The following DGAT2 variants were observed in gnomAD, a reference collection of about 807,000 sequenced individuals.
DGAT2 encodes diacylglycerol O-acyltransferase 2.
A neutral mutation model predicts 48.4 loss-of-function variants in DGAT2; 33 were observed. That is an observed-to-expected ratio of 0.68 (90% CI 0.52 to 0.91). The LOEUF is 0.91. DGAT2 is among the 40% of genes least tolerant of loss of function. The pLI is 0.00. For synonymous variants in DGAT2, 191 were observed against 194.1 expected, an observed-to-expected ratio of 0.98 and a Z score of 0.13; for missense variants, 446 against 493.7, an observed-to-expected ratio of 0.90 and a Z score of 0.92.
intron 1 of DGAT2, among the ~76,000 whole-genome samples, chr11:75,774,698 A>G (rs1283545778): frequency 1.3e-5 from 2 of 152,094 alleles, no homozygotes; most frequent in East Asian, 3.9e-4. Context: ...CCTTGTGAAA[A>G]TGGTGCACTC....
intron 2 of DGAT2, among the ~76,000 whole-genome samples, chr11:75,787,452 C>G (rs1318165300): frequency 1.3e-5 from 2 of 152,214 alleles, no homozygotes; most frequent in Non-Finnish European, 2.9e-5. Context: ...TGCCCTGCAC[C>G]ACAGGCCTCG....
rs148805948 is a variant in DGAT2 at position 75,800,917 on chromosome 11, T to C, written c.*409T>C. The C allele has an allele frequency of 4.2e-3, 836 of 200,050 alleles. 21 individuals carry two copies. Among genetic ancestry groups the C allele is most frequent in the Admixed American group, 0.04 (707 of 17,768 alleles). 12.4% of individuals were successfully genotyped at this position (200,050 alleles called of 1,614,324 possible). On this transcript the variant is annotated 3_prime_UTR_variant, in exon 8 of 8. Coordinates refer to ENST00000228027, the MANE Select transcript of DGAT2 (RefSeq NM_032564.5). ...CCCCTTTATTGCCACTACCCCACGC[T>C]CGTCTAGTCCTGAAACTGCAGGACC...
Position 75,796,481 on chromosome 11 carries a change from C to T in DGAT2, c.583C>T (p.Leu195=). The T allele has an allele frequency of 1.9e-6, 3 of 1,613,782 alleles. No individual in the cohort carries two copies. Among genetic ancestry groups the T allele is most frequent in the Non-Finnish European group, 2.5e-6 (3 of 1,180,030 alleles). Residue 195 remains leucine (L), a synonymous_variant, in exon 5 of 8, where the codon CTG becomes TTG. Transcript: ENST00000228027. ...AGGCATACGGCCTTACCTGGCTACA[C>T]TGGCAGGCAACTTCCGAATGCCTGT... ...FPGIRPYLAT[L]AGNFRMPVLR... is the part of the protein sequence containing the mutation.
At chr11:75,770,127 A>G (rs1380244640) in intron 1 of DGAT2, among the ~76,000 whole-genome samples, 2 of 152,222 alleles carry the variant, frequency 1.3e-5, no homozygotes, top group Admixed American at 6.5e-5. Context: ...CTTTATACAC[A>G]TTGCATAGAT....
intron 2 of DGAT2, among the ~76,000 whole-genome samples, chr11:75,787,998 G>T (rs1486241225): frequency 1.3e-5 from 2 of 152,180 alleles, no homozygotes; most frequent in Non-Finnish European, 2.9e-5. Flanking sequence ...AGGACAAGTG[G>T]GTAGGGTTAC....
rs1360316258 is a variant in DGAT2 at position 75,791,183 on chromosome 11, A to T, written c.429+452A>T. Among the ~76,000 whole-genome samples the T allele has an allele frequency of 3.1e-4, 47 of 152,196 alleles. 1 individual carries two copies. Among genetic ancestry groups the T allele is most frequent in the Admixed American group, 3.1e-3 (47 of 15,284 alleles). On this transcript the variant is annotated intron_variant, in intron 4 of 7. Transcript: ENST00000228027. ...CCTGCAGAAGGTAGGGGTGCTGAAG[A>T]GTGGAGGCAGCACGTGAATGTGAAA...
chr11:75,777,259 A>G (rs1944812003), intron 1 of DGAT2, among the ~76,000 whole-genome samples: 1 of 152,000 alleles, frequency 6.6e-6, no homozygotes, highest in African/African-American at 2.4e-5. Context: ...AGTTATTTAG[A>G]TTCCTTATGA....
intron 1 of DGAT2, among the ~76,000 whole-genome samples, chr11:75,783,342 A>G (rs1944887933): frequency 6.6e-6 from 1 of 152,184 alleles, no homozygotes; most frequent in Admixed American, 6.5e-5. Flanking sequence ...CCTTCCTCCT[A>G]AAAGTCAAAG....
chr11:75,800,799 G>C lies in DGAT2; in HGVS notation c.*291G>C, dbSNP rs565074034. ...GTGACAAAGGAAACTCAGTCTTCTTGGGGAAGAAGGATTGCCATTAGTGAC... is the reference window on the plus strand; with the variant it reads ...GTGACAAAGGAAACTCAGTCTTCTTCGGGAAGAAGGATTGCCATTAGTGAC... On this transcript the variant is annotated 3_prime_UTR_variant, in exon 8 of 8. Transcript: ENST00000228027. The C allele has an allele frequency of 1.9e-4, 66 of 347,326 alleles. No homozygotes were observed. The South Asian group carries it at 2.0e-3, about 11-fold the overall frequency. The allele number at this position is 347,326 out of a possible 1,614,324, so 21.5% of individuals were successfully genotyped here.
chr11:75,789,953 C>T (rs1348929810), intron 2 of DGAT2, among the ~76,000 whole-genome samples: 1 of 152,184 alleles, frequency 6.6e-6, no homozygotes, highest in Non-Finnish European at 1.5e-5. Context: ...CCCATGGGCC[C>T]CTCGATGCCA....
In DGAT2 at chr11:75,796,313, A is replaced by G. The variant is rs375123011; in HGVS notation, c.430-15A>G. ...CTCCCAGCCAGTTTCCTCTGACCCA[A>G]GGTCATCCTTGCAGCTGGTGAAGAC... is the stretch of plus-strand genomic sequence containing the variant. On this transcript the variant is annotated splice_polypyrimidine_tract_variant and intron_variant, in intron 4 of 7. Coordinates refer to ENST00000228027, the MANE Select transcript of DGAT2 (RefSeq NM_032564.5). The G allele has an allele frequency of 1.2e-5, 19 of 1,611,408 alleles. No homozygotes were observed. In the Admixed American group the frequency reaches 1.3e-4, roughly 11 times the overall value.
intron 1 of DGAT2, among the ~76,000 whole-genome samples, chr11:75,782,075 G>A (rs1300596679): frequency 2.0e-5 from 3 of 152,052 alleles, no homozygotes; most frequent in East Asian, 1.9e-4. Flanking sequence ...TCTTCCCTAC[G>A]CACCCCTCAA....
At chr11:75,790,938 G>A (rs1367009392) in intron 4 of DGAT2, among the ~76,000 whole-genome samples, 1 of 152,222 alleles carries the variant, frequency 6.6e-6, no homozygotes, top group African/African-American at 2.4e-5. Context: ...ACAGGGAAAT[G>A]GTGGCTCAGT....
chr11:75,780,411 A>G (rs1414458724), intron 1 of DGAT2, among the ~76,000 whole-genome samples: 1 of 152,202 alleles, frequency 6.6e-6, no homozygotes, highest in Non-Finnish European at 1.5e-5. Flanking sequence ...ATACCCTGAC[A>G]GGAGTCCTCA....
At chr11:75,796,621 A>G in intron 5 of DGAT2, 89 bp downstream of exon 5, 3 of 1,381,034 alleles carry the variant, frequency 2.2e-6, no homozygotes, top group Non-Finnish European at 3.0e-6. Context: ...GAGCCAACAC[A>G]CCATTCCTTG....
chr11:75,781,946 T>C (rs1482556914), intron 1 of DGAT2, among the ~76,000 whole-genome samples: 1 of 152,158 alleles, frequency 6.6e-6, no homozygotes, highest in Non-Finnish European at 1.5e-5. Context: ...TTAGGTCTTC[T>C]CAGTTGTTTC....
rs1010432826 is a variant in DGAT2 at position 75,798,483 on chromosome 11, G to C, written c.1012+54G>C. ...TGTCCTGAACACAGGGTGCCATACA[G>C]CTAATCAGCAGTAGAGACGGGATTC... is the stretch of plus-strand genomic sequence containing the variant. On this transcript the variant is annotated intron_variant, in intron 7 of 7. Transcript: ENST00000228027. 8.8e-6 allele frequency: 14 copies of C among 1,588,154 alleles called. No homozygotes were observed. The African/African-American group carries it at 1.9e-4, about 21-fold the overall frequency.
chr11:75,796,088 G>A lies in DGAT2; in HGVS notation c.430-240G>A, dbSNP rs1358913221. 3 of 535,026 alleles carry A rather than the reference G, an allele frequency of 5.6e-6. No individual in the cohort carries two copies. The African/African-American group carries it at 5.7e-5, about 10-fold the overall frequency. 33.1% of individuals were successfully genotyped at this position (535,026 alleles called of 1,614,324 possible). On this transcript the variant is annotated intron_variant, in intron 4 of 7. Coordinates refer to ENST00000228027, the MANE Select transcript of DGAT2 (RefSeq NM_032564.5). ...CTGTGTGCATGGCTGAAGACTGAGA[G>A]GAACAAGGGCAAACATTGCCCACCC...
intron 4 of DGAT2, chr11:75,794,213 C>T (rs749767469): frequency 5.9e-5 from 9 of 152,250 alleles, no homozygotes; most frequent in Non-Finnish European, 8.8e-5. Flanking sequence ...TGAAGATTTG[C>T]ATTTCAATTT....
Sources: allele counts gnomAD v4.1 joint callset (sites outside exome capture counted in the v4.1 genomes callset), GRCh38; gene constraint gnomAD v4.1.1; transcripts MANE v1.5; gene names NCBI Gene and HGNC (gene_info 2026-07-23, HGNC 2026-07-21).